CLCN5: variants seen among roughly 807,000 people sequenced by gnomAD.
The protein encoded by CLCN5 is Cl-/H+ antiporter 5, also known as H(+)/Cl(-) exchange transporter 5.
CLCN5 carries 17 observed loss-of-function variants against 54.0 expected under a neutral mutation model. The observed-to-expected ratio is 0.31, with a 90% CI of 0.22 to 0.47. CLCN5 has a LOEUF of 0.47. Ranked by LOEUF, CLCN5 falls within the 20% of genes least tolerant of loss-of-function variation. The pLI, the probability that CLCN5 is intolerant of heterozygous loss-of-function variation, is 1.00. For synonymous variants in CLCN5, 222 were observed against 233.0 expected, an observed-to-expected ratio of 0.95 and a Z score of 0.43; for missense variants, 448 against 646.7, an observed-to-expected ratio of 0.69 and a Z score of 3.33.
chrX:49,999,855 T>A lies in CLCN5; in HGVS notation c.17-42461T>A, dbSNP rs1027231965. ...TAGTCTGTACATTAAAAGCCCCTTT[T>A]TTTACTTGTTTTAAAGGTTGTGGAG... is the stretch of plus-strand genomic sequence containing the variant. On this transcript the variant is annotated intron_variant, in intron 3 of 14. Transcript: ENST00000376091. Among the ~76,000 whole-genome samples, 3 of 112,201 alleles carry A rather than the reference T, an allele frequency of 2.7e-5. No individual in the cohort carries two copies. The East Asian group carries it at 8.4e-4, about 31-fold the overall frequency.
chrX:49,941,567 A>G (rs971941224), intron 3 of CLCN5, among the ~76,000 whole-genome samples: 9 of 110,278 alleles, frequency 8.2e-5, no homozygotes, highest in Non-Finnish European at 1.7e-4. Context: ...CTTCATGCCC[A>G]GTCCAAGCTG....
chrX:49,990,827 A>G (rs1177627575), intron 3 of CLCN5, among the ~76,000 whole-genome samples: 2 of 111,289 alleles, frequency 1.8e-5, no homozygotes, highest in African/African-American at 6.7e-5. Flanking sequence ...ATTCCTAGTA[A>G]CTTTACTTAG....
intron 3 of CLCN5, among the ~76,000 whole-genome samples, chrX:49,997,236 C>T (rs781786829): frequency 2.7e-5 from 3 of 111,822 alleles, no homozygotes; most frequent in African/African-American, 9.7e-5. Context: ...TCCTATCAAG[C>T]CCCAAATGTG....
intron 3 of CLCN5, among the ~76,000 whole-genome samples, chrX:49,934,015 A>G (rs1390011445): frequency 9.0e-6 from 1 of 111,313 alleles, no homozygotes; most frequent in Non-Finnish European, 1.9e-5. Flanking sequence ...CAGCTGTCAC[A>G]TCGTACCCAA....
At chrX:50,078,947 C>A (rs1165186635) in intron 7 of CLCN5, among the ~76,000 whole-genome samples, 1 of 111,941 alleles carries the variant, frequency 8.9e-6, no homozygotes, top group Non-Finnish European at 1.9e-5. Context: ...CTCAGCCTCC[C>A]AAGTAGCTGG....
At chrX:50,075,761 A>C in intron 6 of CLCN5, 34 bp from the exon 7 acceptor site, 2 of 1,163,472 alleles carry the variant, frequency 1.7e-6, no homozygotes, top group Non-Finnish European at 2.3e-6. Flanking sequence ...GATTCAGTTT[A>C]ACTTTGGCCT....
At chrX:49,986,868 A>G (rs1055030882) in intron 3 of CLCN5, among the ~76,000 whole-genome samples, 1 of 112,039 alleles carries the variant, frequency 8.9e-6, no homozygotes, top group Non-Finnish European at 1.9e-5. Flanking sequence ...GGACAATCAT[A>G]CTTCATTTTT....
intron 3 of CLCN5, among the ~76,000 whole-genome samples, chrX:49,973,453 T>C (rs1928327646): frequency 9.1e-6 from 1 of 109,616 alleles, no homozygotes; most frequent in African/African-American, 3.4e-5. Context: ...CATGTTGGTG[T>C]GCTGCACCCA....
intron 3 of CLCN5, among the ~76,000 whole-genome samples, chrX:49,965,566 C>T (rs1017417454): frequency 7.2e-5 from 8 of 111,751 alleles, no homozygotes; most frequent in African/African-American, 2.3e-4. Context: ...CCTGTTAATA[C>T]GAGATTTAGG....
intron 3 of CLCN5, among the ~76,000 whole-genome samples, chrX:49,938,286 T>G (rs1926113074): frequency 8.9e-6 from 1 of 111,782 alleles, no homozygotes; most frequent in African/African-American, 3.3e-5. Context: ...TGGAAAAAAC[T>G]ACTTTAAAGT....
chrX:49,926,554 G>A (rs924185263), intron 3 of CLCN5, among the ~76,000 whole-genome samples: 2 of 111,798 alleles, frequency 1.8e-5, no homozygotes, highest in Admixed American at 9.5e-5. Flanking sequence ...ATGAGTAGGA[G>A]CAAATGAGAG....
At chrX:49,941,035 G>A (rs1368456706) in intron 3 of CLCN5, among the ~76,000 whole-genome samples, 1 of 111,802 alleles carries the variant, frequency 8.9e-6, no homozygotes, top group Non-Finnish European at 1.9e-5. Flanking sequence ...ACTTTTAAAA[G>A]CACATGGTAG....
intron 3 of CLCN5, among the ~76,000 whole-genome samples, chrX:49,931,453 A>G (rs1485649717): frequency 8.9e-6 from 1 of 112,121 alleles, no homozygotes; most frequent in Non-Finnish European, 1.9e-5. Context: ...TAAAAAGTAT[A>G]ATTTCTGAAG....
chrX:50,029,445 T>G (rs1414479456), intron 3 of CLCN5, among the ~76,000 whole-genome samples: 1 of 110,473 alleles, frequency 9.1e-6, no homozygotes, highest in Non-Finnish European at 1.9e-5. Flanking sequence ...GAATGATGGT[T>G]TCCAGCTTCA....
Position 49,979,630 on chromosome X carries a change from C to G in CLCN5, c.16+54316C>G, listed in dbSNP as rs375912473. Among the ~76,000 whole-genome samples the G allele has an allele frequency of 2.3e-4, 26 of 111,280 alleles. No individual in the cohort carries two copies. The East Asian group carries it at 6.2e-3, about 26-fold the overall frequency. The stretch of plus-strand genomic sequence containing the variant: ...ATATTAGGTAAACTTTCAGGTGATT[C>G]ATTTTAAATGAGAAATAAAAATTAT... On this transcript the variant is annotated intron_variant, in intron 3 of 14. Coordinates refer to ENST00000376091, the MANE Select transcript of CLCN5 (RefSeq NM_001127898.4).
intron 3 of CLCN5, among the ~76,000 whole-genome samples, chrX:49,947,240 A>G (rs1351713459): frequency 8.9e-6 from 1 of 111,862 alleles, no homozygotes; most frequent in East Asian, 2.8e-4. Flanking sequence ...ACTTACAAAG[A>G]TAAAATGAGA....
At chrX:50,086,094 T>C (rs1557193843) in intron 10 of CLCN5, 34 bp downstream of exon 10, 1 of 1,080,259 alleles carries the variant, frequency 9.3e-7, no homozygotes, top group Non-Finnish European at 1.3e-6. Flanking sequence ...ATGTGCATGC[T>C]TTTGTGTCAG....
chrX:49,958,028 C>A (rs1421838822), intron 3 of CLCN5, among the ~76,000 whole-genome samples: 1 of 110,993 alleles, frequency 9.0e-6, no homozygotes, highest in Non-Finnish European at 1.9e-5. Context: ...AACTTTATCA[C>A]ATGCAGCTTT....
intron 9 of CLCN5, among the ~76,000 whole-genome samples, chrX:50,082,252 A>T (rs781806345): frequency 3.7e-4 from 41 of 111,389 alleles, no homozygotes; most frequent in Non-Finnish European, 5.8e-4. Context: ...ATATTTTTTA[A>T]AAGTGTACAT....
Sources: allele counts gnomAD v4.1 joint callset (sites outside exome capture counted in the v4.1 genomes callset), GRCh38; gene constraint gnomAD v4.1.1; transcripts MANE v1.5; gene names NCBI Gene and HGNC (gene_info 2026-07-23, HGNC 2026-07-21).